Variants in TAS2R1 observed in about 807,000 individuals in gnomAD.
TAS2R1 encodes taste receptor type 2 member 1.
For missense variants in TAS2R1, 370 were observed against 353.4 expected, an observed-to-expected ratio of 1.05 and a Z score of -0.38; for synonymous variants, 141 against 134.2, an observed-to-expected ratio of 1.05 and a Z score of -0.35.
At chr5:9,852,905 A>G in the TAS2R1 span, among the ~76,000 whole-genome samples, 1 of 152,230 alleles carries the variant, frequency 6.6e-6, no homozygotes, top group Admixed American at 6.5e-5. Flanking sequence ...CAGTCAATGA[A>G]TGAGCATGAC....
At position 9,629,778 on chromosome 5, in the gene TAS2R1, G is replaced by A. The variant is rs1165832837; in HGVS notation, c.255C>T (p.Leu85=). ...FIMCSANCAI[L]LFINELELWL... is the part of the protein sequence containing the mutation. ...AAAGTTCCAATTCATTTATAAATAAGAGAATTGCACAATTCGCAGAACACA... is the reference window on the plus strand; with the variant it reads ...AAAGTTCCAATTCATTTATAAATAAAAGAATTGCACAATTCGCAGAACACA... Residue 85 remains leucine (L), a synonymous_variant, in exon 1 of 1, where the codon CTC becomes CTT. Transcript: ENST00000382492. The A allele has an allele frequency of 1.2e-6, 2 of 1,613,776 alleles. No individual in the cohort carries two copies. Among genetic ancestry groups the A allele is most frequent in the Middle Eastern group, 1.6e-4 (1 of 6,062 alleles).
intron 1 of TAS2R1, among the ~76,000 whole-genome samples, chr5:9,708,369 T>C (rs1741665138): frequency 6.6e-6 from 1 of 152,212 alleles, no homozygotes; most frequent in Admixed American, 6.5e-5. Context: ...CTACATGGTT[T>C]TCTTCTACAA....
chr5:9,725,862 G>A, the TAS2R1 span, among the ~76,000 whole-genome samples: 3 of 142,476 alleles, frequency 2.1e-5, no homozygotes, highest in African/African-American at 3.1e-5. Flanking sequence ...TCAGCAGCCT[G>A]TGTCTAGCTC....
the TAS2R1 span, among the ~76,000 whole-genome samples, chr5:9,836,366 T>C: frequency 2.6e-5 from 4 of 152,204 alleles, no homozygotes; most frequent in Admixed American, 1.3e-4. Context: ...CTGAAGTTTC[T>C]TGACCTTGGC....
intron 2 of TAS2R1, among the ~76,000 whole-genome samples, chr5:9,650,717 C>G (rs2086889550): frequency 6.6e-6 from 1 of 152,166 alleles, no homozygotes; most frequent in Admixed American, 6.5e-5. Flanking sequence ...CACCCCACAT[C>G]ACCAGCATTC....
chr5:9,686,467 C>T (rs115652556), intron 1 of TAS2R1, among the ~76,000 whole-genome samples: 4,287 of 152,228 alleles, frequency 0.028, 73 homozygotes, highest in Middle Eastern at 0.051. Flanking sequence ...TCATTCACCC[C>T]AAGAATTTCC....
the TAS2R1 span, among the ~76,000 whole-genome samples, chr5:9,791,147 T>C: frequency 6.6e-6 from 1 of 152,152 alleles, no homozygotes; most frequent in Non-Finnish European, 1.5e-5. Flanking sequence ...GTATTCTAAA[T>C]GACATTAGTC....
chr5:9,802,299 C>G, the TAS2R1 span, among the ~76,000 whole-genome samples: 1 of 152,180 alleles, frequency 6.6e-6, no homozygotes, highest in East Asian at 1.9e-4. Context: ...AGTAGCTCCT[C>G]TGCGTGGCTA....
chr5:9,654,681 T>C (rs1740373965), intron 2 of TAS2R1, among the ~76,000 whole-genome samples: 1 of 152,222 alleles, frequency 6.6e-6, no homozygotes, highest in South Asian at 2.1e-4. Context: ...AACAAGTGGT[T>C]AAGCCACTAG....
At chr5:9,846,706 C>T in the TAS2R1 span, among the ~76,000 whole-genome samples, 1 of 151,916 alleles carries the variant, frequency 6.6e-6, no homozygotes, top group Admixed American at 6.6e-5. Flanking sequence ...CAAACTAAGA[C>T]AAACAAACAA....
chr5:9,761,563 T>C, the TAS2R1 span, among the ~76,000 whole-genome samples: 20 of 152,248 alleles, frequency 1.3e-4, no homozygotes, highest in African/African-American at 4.8e-4. Flanking sequence ...CAAAAATATT[T>C]TGATAACTTT....
chr5:9,740,173 T>A, the TAS2R1 span, among the ~76,000 whole-genome samples: 3 of 152,232 alleles, frequency 2.0e-5, no homozygotes, highest in Admixed American at 6.5e-5. Context: ...GCCTTTTATA[T>A]GCTAATTGAA....
the TAS2R1 span, among the ~76,000 whole-genome samples, chr5:9,725,674 C>T: frequency 2.0e-5 from 3 of 149,138 alleles, no homozygotes; most frequent in African/African-American, 5.2e-5. Context: ...TGCTCCACGG[C>T]GCCCAGCCCC....
the TAS2R1 span, among the ~76,000 whole-genome samples, chr5:9,886,435 A>G: frequency 6.6e-6 from 1 of 150,484 alleles, no homozygotes. Flanking sequence ...CTGGGGTCCA[A>G]GCAATCCTGC....
At chr5:9,838,512 C>A in the TAS2R1 span, among the ~76,000 whole-genome samples, 39,690 of 152,098 alleles carry the variant, frequency 0.26, 6,487 homozygotes, top group Non-Finnish European at 0.37. Context: ...AAGCAGGTTG[C>A]CTGTTATGCA....
the TAS2R1 span, among the ~76,000 whole-genome samples, chr5:9,796,718 C>G: frequency 1.3e-5 from 1 of 78,392 alleles, no homozygotes; most frequent in Non-Finnish European, 2.4e-5. Context: ...TAGCTATTTT[C>G]TGGAAAAAAA....
the TAS2R1 span, among the ~76,000 whole-genome samples, chr5:9,769,660 T>C: frequency 6.6e-6 from 1 of 152,200 alleles, no homozygotes; most frequent in Non-Finnish European, 1.5e-5. Flanking sequence ...TCTCTGATGG[T>C]CAGCGATGTT....
At chr5:9,899,226 A>G in the TAS2R1 span, among the ~76,000 whole-genome samples, 1 of 152,212 alleles carries the variant, frequency 6.6e-6, no homozygotes, top group South Asian at 2.1e-4. Context: ...TCAGAGGGAC[A>G]GGAGTGACTA....
At chr5:9,740,943 G>C in the TAS2R1 span, among the ~76,000 whole-genome samples, 1 of 152,144 alleles carries the variant, frequency 6.6e-6, no homozygotes, top group African/African-American at 2.4e-5. Flanking sequence ...TGTCCTAGTG[G>C]CAGTGGAGGA....
Sources: allele counts gnomAD v4.1 joint callset (sites outside exome capture counted in the v4.1 genomes callset), GRCh38; gene constraint gnomAD v4.1.1; transcripts MANE v1.5; gene names NCBI Gene and HGNC (gene_info 2026-07-23, HGNC 2026-07-21).